RBPJ: variants seen among roughly 807,000 people sequenced by gnomAD.
The protein encoded by RBPJ is recombining binding protein suppressor of hairless.
RBPJ carries 9 observed loss-of-function variants against 67.8 expected under a neutral mutation model. The ratio of observed to expected loss-of-function variants is 0.13; its 90% CI spans 0.08 to 0.23. The LOEUF (loss-of-function observed/expected upper bound fraction) is 0.23. Among genes scored for constraint, RBPJ ranks in the 10% least tolerant of loss-of-function variants. The pLI is 1.00. For synonymous variants in RBPJ, 198 were observed against 203.3 expected (o/e 0.97, Z 0.22); for missense variants, 305 against 595.6 (o/e 0.51, Z 5.08).
intron 1 of RBPJ, among the ~76,000 whole-genome samples, chr4:26,337,420 ATTG>A (rs1270149008): frequency 2.6e-5 from 4 of 151,640 alleles, no homozygotes; most frequent in Non-Finnish European, 4.4e-5. Flanking sequence ...TCAGCAGCAT[ATTG>A]TTCTTCTTGT....
At chr4:26,243,675 G>A (rs1719724119) in intron 1 of RBPJ, among the ~76,000 whole-genome samples, 1 of 152,082 alleles carries the variant, frequency 6.6e-6, no homozygotes, top group Admixed American at 6.6e-5. Flanking sequence ...GCAGAATATG[G>A]AATTTCATCA....
intron 1 of RBPJ, among the ~76,000 whole-genome samples, chr4:26,179,132 A>G (rs1433985677): frequency 6.6e-6 from 1 of 152,032 alleles, no homozygotes; most frequent in Non-Finnish European, 1.5e-5. Flanking sequence ...AAGAGTAACA[A>G]AAAAGCAAGC....
At chr4:26,382,196 A>G (rs1291420296) in intron 1 of RBPJ, among the ~76,000 whole-genome samples, 2 of 152,246 alleles carry the variant, frequency 1.3e-5, no homozygotes, top group Non-Finnish European at 2.9e-5. Context: ...GCAAATAAAG[A>G]TAAAAAATGT....
chr4:26,374,648 G>A lies in RBPJ; in HGVS notation c.21-11705G>A, dbSNP rs544137427. Among the ~76,000 whole-genome samples the A allele has an allele frequency of 7.9e-5, 12 of 152,006 alleles. No homozygotes were observed. The East Asian group carries it at 2.1e-3, about 27-fold the overall frequency. The stretch of plus-strand genomic sequence containing the variant: ...GCACCACCATGCCCAGCTAATTTTT[G>A]TATTTTTAGTAGAGACAAGGTTTCA... On this transcript the variant is annotated intron_variant, in intron 1 of 10. Coordinates refer to ENST00000355476, the MANE Select transcript of RBPJ (RefSeq NM_015874.6).
At chr4:26,212,432 C>CTTTTTT (rs370447105) in intron 1 of RBPJ, among the ~76,000 whole-genome samples, 92 of 112,238 alleles carry the variant, frequency 8.2e-4, no homozygotes, top group African/African-American at 1.1e-3. Context: ...CTTTTCTTTT[C>CTTTTTT]TTTTTTTTTT....
At chr4:26,305,466 TC>T (rs1204010809) in intron 1 of RBPJ, among the ~76,000 whole-genome samples, 2 of 152,242 alleles carry the variant, frequency 1.3e-5, no homozygotes, top group Non-Finnish European at 2.9e-5. Context: ...GGGATGTTTT[TC>T]CATTTATTTA....
chr4:26,108,395 C>A, the RBPJ span, among the ~76,000 whole-genome samples: 1 of 152,168 alleles, frequency 6.6e-6, no homozygotes, highest in African/African-American at 2.4e-5. Flanking sequence ...TTTAATTCAG[C>A]CTTGGTGCAT....
At chr4:26,353,915 G>A (rs867154557) in intron 1 of RBPJ, among the ~76,000 whole-genome samples, 6 of 150,192 alleles carry the variant, frequency 4.0e-5, no homozygotes, top group African/African-American at 1.5e-4. Context: ...CCCTGCCACA[G>A]TATTCTTTTG....
upstream of RBPJ, among the ~76,000 whole-genome samples, chr4:26,161,315 G>A (rs112852124): frequency 3.1e-3 from 466 of 152,294 alleles, 3 homozygotes; most frequent in African/African-American, 0.01. Flanking sequence ...CAGAATAATG[G>A]CCCATGGTAG....
At chr4:26,187,400 A>G (rs1717309156) in intron 1 of RBPJ, among the ~76,000 whole-genome samples, 1 of 152,102 alleles carries the variant, frequency 6.6e-6, no homozygotes, top group Non-Finnish European at 1.5e-5. Flanking sequence ...GTACTCTGTA[A>G]CATATATGTG....
intron 1 of RBPJ, among the ~76,000 whole-genome samples, chr4:26,214,699 T>TGGAG (rs1553849736): frequency 5.1e-5 from 3 of 58,698 alleles, no homozygotes; most frequent in Non-Finnish European, 9.7e-5. Flanking sequence ...GGAGGAAGGA[T>TGGAG]GGAAGGAAGG....
chr4:26,378,386 C>T (rs560725901), intron 1 of RBPJ, among the ~76,000 whole-genome samples: 36 of 152,234 alleles, frequency 2.4e-4, no homozygotes, highest in African/African-American at 8.7e-4. Context: ...AGGCCATACT[C>T]TTCATTTAAG....
At chr4:26,219,799 G>A (rs762388791) in intron 1 of RBPJ, among the ~76,000 whole-genome samples, 16 of 151,584 alleles carry the variant, frequency 1.1e-4, no homozygotes, top group South Asian at 2.1e-4. Flanking sequence ...TTTTTGAGAC[G>A]GAGTCTCACT....
At chr4:26,192,984 G>A (rs992576475) in intron 1 of RBPJ, among the ~76,000 whole-genome samples, 5 of 152,138 alleles carry the variant, frequency 3.3e-5, no homozygotes, top group Admixed American at 2.6e-4. Flanking sequence ...TCAGAGAAGG[G>A]GATATGATGA....
chr4:26,231,622 G>A, intron 1 of RBPJ, among the ~76,000 whole-genome samples: 1 of 151,904 alleles, frequency 6.6e-6, no homozygotes, highest in East Asian at 1.9e-4. Flanking sequence ...ATGTTGGCCA[G>A]GCTAGTCTCG....
At chr4:26,281,138 C>T (rs1474403262) in intron 1 of RBPJ, among the ~76,000 whole-genome samples, 2 of 152,108 alleles carry the variant, frequency 1.3e-5, no homozygotes, top group African/African-American at 4.8e-5. Context: ...TCATTTTACT[C>T]ATTTTTTATT....
the RBPJ span, among the ~76,000 whole-genome samples, chr4:26,128,253 A>G: frequency 6.6e-6 from 1 of 152,252 alleles, no homozygotes; most frequent in Non-Finnish European, 1.5e-5. Flanking sequence ...AAGGATTCCC[A>G]GAAGAGGTGT....
At chr4:26,143,445 G>A in the RBPJ span, among the ~76,000 whole-genome samples, 54 of 152,338 alleles carry the variant, frequency 3.5e-4, no homozygotes, top group Non-Finnish European at 5.9e-4. Flanking sequence ...ACTTGTAGTG[G>A]AGCCATCTTG....
upstream of RBPJ, among the ~76,000 whole-genome samples, chr4:26,315,671 C>G (rs1577418253): frequency 6.6e-6 from 1 of 152,162 alleles, no homozygotes; most frequent in South Asian, 2.1e-4. Context: ...TTTACCAGGG[C>G]AGGATTTTTT....
Sources: gnomAD v4.1 joint callset for allele counts (sites outside exome capture counted in the v4.1 genomes callset) on GRCh38, gnomAD v4.1.1 for gene constraint, MANE v1.5 for transcripts, NCBI Gene and HGNC (gene_info 2026-07-23, HGNC 2026-07-21) for gene names.